The following RP1 variants were observed in gnomAD, a reference collection of about 807,000 sequenced individuals.
RP1 encodes the protein oxygen-regulated protein 1.
Under a neutral mutation model 14.8 loss-of-function variants are expected in RP1, and 16 were observed. The ratio of observed to expected loss-of-function variants is 1.08; its 90% CI spans 0.73 to 1.65. RP1 has a LOEUF of 1.65. Among genes scored for constraint, RP1 ranks in the 40% most tolerant of loss-of-function variants. The probability of loss-of-function intolerance (pLI) is 0.00; values close to 1 mark genes in which losing one functional copy is unlikely to be tolerated. For synonymous variants in RP1, 876 were observed against 883.6 expected (o/e 0.99, Z 0.15); for missense variants, 2,631 against 2,535.0 (o/e 1.04, Z -0.81).
At chr8:54,744,817 T>C (rs1809185633) in intron 19 of RP1, among the ~76,000 whole-genome samples, 2 of 152,226 alleles carry the variant, frequency 1.3e-5, no homozygotes, top group Admixed American at 1.3e-4. Flanking sequence ...ATAGTCTTCT[T>C]AATCAGTATT....
At chr8:54,581,662 C>G (rs1804794673) in intron 1 of RP1, among the ~76,000 whole-genome samples, 1 of 152,280 alleles carries the variant, frequency 6.6e-6, no homozygotes, top group South Asian at 2.1e-4. Flanking sequence ...TCCTCTCCAG[C>G]ACCTGTTGTT....
chr8:54,846,010 C>T (rs1344865455), intron 25 of RP1, among the ~76,000 whole-genome samples: 1 of 152,206 alleles, frequency 6.6e-6, no homozygotes, highest in Admixed American at 6.5e-5. Context: ...AGTGAAGTTA[C>T]TCCATTCCAG....
intron 4 of RP1, among the ~76,000 whole-genome samples, chr8:54,649,647 T>C (rs765597687): frequency 2.6e-5 from 4 of 152,172 alleles, no homozygotes; most frequent in Non-Finnish European, 5.9e-5. Context: ...TCAGATACAT[T>C]AGCAAACAAA....
At chr8:54,593,276 T>G (rs1166078475) in intron 1 of RP1, among the ~76,000 whole-genome samples, 2 of 152,234 alleles carry the variant, frequency 1.3e-5, no homozygotes, top group African/African-American at 4.8e-5. Context: ...TCTTATCTCT[T>G]GCTTTCATTA....
intron 18 of RP1, among the ~76,000 whole-genome samples, chr8:54,738,243 TA>T (rs1009738965): frequency 2.6e-5 from 4 of 151,982 alleles, no homozygotes; most frequent in African/African-American, 4.8e-5. Context: ...ATAAGAGAAG[TA>T]AAAAAAACAT....
At position 54,630,092 on chromosome 8, in the gene RP1, C is replaced by T. The variant is rs767325122; in HGVS notation, c.6210C>T (p.Asn2070=). 3.1e-5 allele frequency: 50 copies of T among 1,613,932 alleles called. No individual in the cohort carries two copies. The South Asian group carries it at 5.5e-4, about 18-fold the overall frequency. ...EIFKAVDENN[N]LLNNRFQGSR... ...TTAAAGCAGTCGATGAGAATAACAA[C>T]TTATTAAATAACAGATTCCAGGGCT... is the stretch of plus-strand genomic sequence containing the variant. The change falls in exon 4 of 4, where the codon AAC becomes AAT. Residue 2070 remains asparagine, a synonymous_variant. Transcript: ENST00000220676.
At chr8:54,565,963 C>T (rs1049094806) in intron 1 of RP1, among the ~76,000 whole-genome samples, 2 of 152,128 alleles carry the variant, frequency 1.3e-5, no homozygotes, top group African/African-American at 4.8e-5. Flanking sequence ...TTTGACATTC[C>T]TTGCTTGGGG....
chr8:54,804,619 A>C (rs1585706791), intron 24 of RP1, among the ~76,000 whole-genome samples: 1 of 151,776 alleles, frequency 6.6e-6, no homozygotes, highest in Non-Finnish European at 1.5e-5. Flanking sequence ...TACAATTCTG[A>C]CAACAAAAAA....
rs1427992943 is a variant in RP1, at chr8:54,628,216, C to G, written c.4334C>G (p.Ser1445Cys). The G allele has an allele frequency of 6.2e-7, 1 of 1,613,988 alleles. No individual in the cohort carries two copies. The highest frequency in any genetic ancestry group is 1.1e-5 in the South Asian group (1 of 91,074). ...TSFDMEEPRT[S>C]EEPGSITNSM... ...TTTGATATGGAAGAACCACGGACTT[C>G]TGAAGAACCAGGCTCAATAACCAAC... Residue 1445 changes from serine to cysteine, a missense_variant, in exon 4 of 4, where the codon TCT (serine) becomes TGT (cysteine). Ser to Cys is a moderately radical substitution (Grantham distance 112). Transcript: ENST00000220676.
intron 5 of RP1, chr8:54,652,910 G>T (rs1806685861): frequency 7.4e-7 from 1 of 1,351,536 alleles, no homozygotes; most frequent in East Asian, 2.5e-5. Context: ...AAAATCCTCT[G>T]CATATTCCTC....
intron 24 of RP1, among the ~76,000 whole-genome samples, chr8:54,795,283 G>T (rs1415268028): frequency 1.3e-5 from 2 of 151,972 alleles, no homozygotes; most frequent in Admixed American, 6.6e-5. Context: ...GCACCCATGT[G>T]GTCATTGCAG....
At chr8:54,785,034 TA>T (rs942683849) in intron 24 of RP1, among the ~76,000 whole-genome samples, 4 of 151,980 alleles carry the variant, frequency 2.6e-5, no homozygotes, top group African/African-American at 7.2e-5. Context: ...CAAATCAGGG[TA>T]AAAAAACATT....
chr8:54,806,649 G>T (rs539156026), intron 24 of RP1, among the ~76,000 whole-genome samples: 1 of 152,058 alleles, frequency 6.6e-6, no homozygotes, highest in Admixed American at 6.5e-5. Flanking sequence ...ATAATCAGGC[G>T]TACAACTTAC....
intron 25 of RP1, among the ~76,000 whole-genome samples, chr8:54,843,482 A>G (rs1811837743): frequency 1.3e-5 from 2 of 152,052 alleles, no homozygotes; most frequent in Admixed American, 1.3e-4. Flanking sequence ...TGGATCCCAA[A>G]CCTTCAGTGC....
intron 1 of RP1, among the ~76,000 whole-genome samples, chr8:54,577,278 A>G (rs1208395841): frequency 6.6e-6 from 1 of 152,186 alleles, no homozygotes; most frequent in Non-Finnish European, 1.5e-5. Flanking sequence ...AGCCTCCCGG[A>G]GTGCTGGGAT....
At chr8:54,723,056 G>T (rs999548560) in intron 16 of RP1, among the ~76,000 whole-genome samples, 1 of 152,180 alleles carries the variant, frequency 6.6e-6, no homozygotes, top group Admixed American at 6.5e-5. Flanking sequence ...GAGCCAGACT[G>T]CCAGTGTCCA....
In RP1 at chr8:54,838,517, A is replaced by G. The variant is rs151232563; in HGVS notation, c.3835+848A>G. Among the ~76,000 whole-genome samples, 313 of 152,218 alleles carry G rather than the reference A, an allele frequency of 2.1e-3. 1 individual carries two copies. Among genetic ancestry groups the G allele is most frequent in the African/African-American group, 6.6e-3 (276 of 41,540 alleles). On this transcript the variant is annotated intron_variant, in intron 25 of 28. Transcript: ENST00000637698. ...TATGTGCATGAATGCTTATATATGT[A>G]TGTGCGTGACAGAATGTATGCATGT...
chr8:54,606,084 G>T lies in RP1; in HGVS notation c.-12-14871G>T, dbSNP rs574372496. On this transcript the variant is annotated intron_variant, in intron 1 of 22. Coordinates refer to the RP1 transcript ENST00000636932. ...TTATGTGTGAATTTGATCCTGTCATGATGATGTTAGCTGGTTATTTTGCTC... is the reference window on the plus strand; with the variant it reads ...TTATGTGTGAATTTGATCCTGTCATTATGATGTTAGCTGGTTATTTTGCTC... 3.4e-4 allele frequency among the ~76,000 whole-genome samples: 52 copies of T among 152,182 alleles called. No individual in the cohort carries two copies. The South Asian group carries it at 7.5e-3, about 22-fold the overall frequency.
At chr8:54,563,874 T>C (rs534511671) in intron 1 of RP1, among the ~76,000 whole-genome samples, 49 of 152,252 alleles carry the variant, frequency 3.2e-4, no homozygotes, top group African/African-American at 1.1e-3. Flanking sequence ...ACAACCAAAA[T>C]CTTCACACCT....
Sources: allele counts gnomAD v4.1 joint callset (sites outside exome capture counted in the v4.1 genomes callset), GRCh38; gene constraint gnomAD v4.1.1; transcripts MANE v1.5; gene names NCBI Gene and HGNC (gene_info 2026-07-23, HGNC 2026-07-21).